DLG2: variants seen among roughly 807,000 people sequenced by gnomAD.
The protein encoded by DLG2 is disks large homolog 2.
Under a neutral mutation model 132.5 loss-of-function variants are expected in DLG2, and 45 were observed. That is an observed-to-expected ratio of 0.34 (90% CI 0.27 to 0.44). The LOEUF (loss-of-function observed/expected upper bound fraction) is 0.44. DLG2 is among the 20% of genes least tolerant of loss of function. DLG2 has a pLI of 1.00. For missense variants in DLG2, 1,045 were observed against 1,196.9 expected (o/e 0.87, Z 1.87); for synonymous variants, 424 against 419.6 (o/e 1.01, Z -0.13).
chr11:83,896,436 A>G (rs2071711358), intron 15 of DLG2, among the ~76,000 whole-genome samples: 1 of 152,244 alleles, frequency 6.6e-6, no homozygotes, highest in Admixed American at 6.5e-5. Flanking sequence ...CTGCCCACAT[A>G]AAGATGCTCA....
At chr11:83,841,888 C>T (rs1429839505) in intron 16 of DLG2, among the ~76,000 whole-genome samples, 1 of 152,150 alleles carries the variant, frequency 6.6e-6, no homozygotes, top group Non-Finnish European at 1.5e-5. Flanking sequence ...GGAGGAGCCA[C>T]ATGTAAACAA....
At chr11:85,598,515 C>A (rs2079938157) in intron 3 of DLG2, 142 bp downstream of exon 3, 1 of 470,470 alleles carries the variant, frequency 2.1e-6, no homozygotes, top group Non-Finnish European at 3.5e-6. Context: ...CAAAATAAAA[C>A]AAAACAAATC....
At chr11:85,319,130 A>G (rs2080883006) in intron 3 of DLG2, among the ~76,000 whole-genome samples, 1 of 151,906 alleles carries the variant, frequency 6.6e-6, no homozygotes, top group Non-Finnish European at 1.5e-5. Flanking sequence ...ACTTCAGGAT[A>G]ATGTGAAGCT....
At chr11:84,821,826 A>G (rs912877124) in intron 6 of DLG2, among the ~76,000 whole-genome samples, 1 of 151,768 alleles carries the variant, frequency 6.6e-6, no homozygotes, top group Non-Finnish European at 1.5e-5. Context: ...CTGAATATAG[A>G]TAGGGCTTGT....
Position 84,923,732 on chromosome 11 carries a change from C to G in DLG2, c.357+187929G>C, listed in dbSNP as rs908143530. On this transcript the variant is annotated intron_variant, in intron 6 of 27. Coordinates refer to ENST00000376104, the MANE Select transcript of DLG2 (RefSeq NM_001142699.3). The stretch of plus-strand genomic sequence containing the variant: ...TCTGCTTCTCCATGTGGAACAGGAC[C>G]AGGACCAGAGGATCATTGTCATATA... 3 of 298,706 alleles carry G rather than the reference C, an allele frequency of 1.0e-5. 1 individual carries two copies. The highest frequency in any genetic ancestry group is 1.5e-5 in the Non-Finnish European group (3 of 202,366). The allele number at this position is 298,706 out of a possible 1,614,324, so 18.5% of individuals were successfully genotyped here.
At chr11:84,733,729 T>C (rs567150192) in intron 6 of DLG2, among the ~76,000 whole-genome samples, 8 of 152,316 alleles carry the variant, frequency 5.3e-5, no homozygotes, top group Non-Finnish European at 1.0e-4. Context: ...ATGTCCTGAA[T>C]GGTAATGCCT....
chr11:83,908,180 A>G (rs957177486), intron 15 of DLG2, among the ~76,000 whole-genome samples: 1 of 152,190 alleles, frequency 6.6e-6, no homozygotes, highest in Admixed American at 6.5e-5. Flanking sequence ...TCATCTAAGT[A>G]TCCGTATACT....
intron 7 of DLG2, among the ~76,000 whole-genome samples, chr11:84,405,205 A>C (rs1385072054): frequency 6.6e-6 from 1 of 152,216 alleles, no homozygotes; most frequent in African/African-American, 2.4e-5. Flanking sequence ...TATCTGTTTT[A>C]TGTTAGCAAT....
At chr11:83,630,332 TGAGCATGC>T (rs2063344906) in intron 19 of DLG2, among the ~76,000 whole-genome samples, 2 of 138,340 alleles carry the variant, frequency 1.4e-5, no homozygotes, top group African/African-American at 7.0e-5. Context: ...AGCATGCTTG[TGAGCATGC>T]GTGTGTGTGT....
chr11:83,853,993 C>T (rs1308682484), intron 16 of DLG2, among the ~76,000 whole-genome samples: 1 of 151,938 alleles, frequency 6.6e-6, no homozygotes, highest in East Asian at 1.9e-4. Context: ...AAGATAACTG[C>T]CAAAATCTCC....
intron 7 of DLG2, among the ~76,000 whole-genome samples, chr11:84,447,772 A>C (rs771403043): frequency 2.6e-5 from 4 of 152,148 alleles, no homozygotes; most frequent in Non-Finnish European, 4.4e-5. Flanking sequence ...CTTATATAGT[A>C]GATCTGAATT....
At chr11:83,812,647 G>A (rs1245078055) in intron 17 of DLG2, among the ~76,000 whole-genome samples, 2 of 152,078 alleles carry the variant, frequency 1.3e-5, no homozygotes, top group East Asian at 1.9e-4. Context: ...TGAAAATCTC[G>A]ATATAGTTAG....
chr11:84,704,628 G>A (rs2059590793), intron 6 of DLG2, among the ~76,000 whole-genome samples: 1 of 151,484 alleles, frequency 6.6e-6, no homozygotes, highest in East Asian at 2.0e-4. Flanking sequence ...TTTTCTACAT[G>A]TAGGCTCAAA....
chr11:85,148,866 G>T (rs552124167), intron 5 of DLG2, among the ~76,000 whole-genome samples: 1 of 152,218 alleles, frequency 6.6e-6, no homozygotes, highest in Admixed American at 6.5e-5. Context: ...TTTTATCCAA[G>T]GTTTTTATGG....
rs549329998 is a variant in DLG2 at position 83,719,296 on chromosome 11, G to A, written c.1825+67394C>T. ...CACTATTAGCAGAAATGGAAGAGAC[G>A]CCCTGCCACTATGTGACTTGAGTGT... On this transcript the variant is annotated intron_variant, in intron 18 of 27. Coordinates refer to ENST00000376104, the MANE Select transcript of DLG2 (RefSeq NM_001142699.3). Among the ~76,000 whole-genome samples the A allele has an allele frequency of 3.0e-3, 463 of 152,276 alleles. 5 individuals carry two copies. The highest frequency in any genetic ancestry group is 0.014 in the Middle Eastern group (4 of 294).
chr11:83,489,472 A>G (rs1160642981), intron 21 of DLG2, among the ~76,000 whole-genome samples: 1 of 151,960 alleles, frequency 6.6e-6, no homozygotes, highest in East Asian at 1.9e-4. Flanking sequence ...ATTCAAACAA[A>G]CAAATTATAA....
intron 15 of DLG2, among the ~76,000 whole-genome samples, chr11:83,914,431 G>C (rs536625054): frequency 1.3e-5 from 2 of 152,036 alleles, no homozygotes; most frequent in Non-Finnish European, 2.9e-5. Context: ...CAACGCAAAT[G>C]GACCAAGACA....
At chr11:84,222,087 C>A (rs908035621) in intron 8 of DLG2, among the ~76,000 whole-genome samples, 1 of 151,912 alleles carries the variant, frequency 6.6e-6, no homozygotes, top group Non-Finnish European at 1.5e-5. Context: ...GGCTGGAGTG[C>A]AATGGTGCGA....
intron 6 of DLG2, among the ~76,000 whole-genome samples, chr11:85,076,479 G>A (rs972460007): frequency 3.3e-5 from 5 of 151,986 alleles, no homozygotes; most frequent in African/African-American, 1.2e-4. Flanking sequence ...GGTTTGACAA[G>A]TCCTTCAGGC....
Sources: gnomAD v4.1 joint callset for allele counts (sites outside exome capture counted in the v4.1 genomes callset) on GRCh38, gnomAD v4.1.1 for gene constraint, MANE v1.5 for transcripts, NCBI Gene and HGNC (gene_info 2026-07-23, HGNC 2026-07-21) for gene names.